The following EPB41L5 variants were observed in gnomAD, a reference collection of about 807,000 sequenced individuals.
EPB41L5 encodes erythrocyte membrane protein band 4.1 like 5, also known as band 4.1-like protein 5.
A neutral mutation model predicts 106.6 loss-of-function variants in EPB41L5; 55 were observed. The ratio of observed to expected loss-of-function variants is 0.52; its 90% CI spans 0.42 to 0.65. EPB41L5 has a LOEUF of 0.65. Among genes scored for constraint, EPB41L5 ranks in the 30% least tolerant of loss-of-function variants. EPB41L5 has a pLI of 0.00. For synonymous variants in EPB41L5, 297 were observed against 306.7 expected (o/e 0.97, Z 0.33); for missense variants, 871 against 882.1 (o/e 0.99, Z 0.16).
intron 16 of EPB41L5, among the ~76,000 whole-genome samples, chr2:120,117,951 G>A (rs1000299393): frequency 2.0e-5 from 3 of 151,924 alleles, no homozygotes; most frequent in African/African-American, 7.3e-5. Context: ...TATTTAAGCT[G>A]CAAAAATATA....
At chr2:120,074,463 CAT>C (rs1238941047) in intron 5 of EPB41L5, 1 of 269,708 alleles carries the variant, frequency 3.7e-6, no homozygotes, top group African/African-American at 2.2e-5. Context: ...ACAGGATTCA[CAT>C]GTTTCAATAC....
At chr2:120,145,123 C>T (rs1315112031) in intron 19 of EPB41L5, among the ~76,000 whole-genome samples, 1 of 152,176 alleles carries the variant, frequency 6.6e-6, no homozygotes, top group Non-Finnish European at 1.5e-5. Flanking sequence ...TCCTGTGGTG[C>T]ACATACATTG....
At chr2:120,119,495 A>G (rs1362887871) in intron 16 of EPB41L5, among the ~76,000 whole-genome samples, 1 of 152,052 alleles carries the variant, frequency 6.6e-6, no homozygotes, top group African/African-American at 2.4e-5. Flanking sequence ...TCGGTTTTAC[A>G]TTTGAGTCTT....
chr2:120,026,805 A>G (rs1261898936), intron 2 of EPB41L5, among the ~76,000 whole-genome samples: 3 of 152,254 alleles, frequency 2.0e-5, no homozygotes, highest in African/African-American at 7.2e-5. Flanking sequence ...AGACTGTCAC[A>G]CAGAATAAGA....
At chr2:120,045,615 T>C (rs1679712709) in intron 3 of EPB41L5, among the ~76,000 whole-genome samples, 1 of 152,196 alleles carries the variant, frequency 6.6e-6, no homozygotes, top group South Asian at 2.1e-4. Flanking sequence ...CCTGGTATGT[T>C]TTTTATACCC....
chr2:120,108,573 TG>T (rs1684582442), intron 16 of EPB41L5: 2 of 152,180 alleles, frequency 1.3e-5, no homozygotes, highest in South Asian at 4.1e-4. Flanking sequence ...AATAGGAAGA[TG>T]ATTGCTGGCT....
chr2:120,109,001 G>C (rs1466161438), intron 16 of EPB41L5, among the ~76,000 whole-genome samples: 2 of 152,236 alleles, frequency 1.3e-5, no homozygotes, highest in Non-Finnish European at 2.9e-5. Context: ...ATTTGTTGCA[G>C]TGAAAGATTT....
chr2:120,126,664 G>T (rs1328736136), intron 16 of EPB41L5, among the ~76,000 whole-genome samples: 2 of 152,044 alleles, frequency 1.3e-5, no homozygotes, highest in East Asian at 1.9e-4. Flanking sequence ...GTCTGTCTTT[G>T]TGCCAGTATC....
chr2:120,093,495 C>G (rs998653405), intron 14 of EPB41L5, among the ~76,000 whole-genome samples: 4 of 152,122 alleles, frequency 2.6e-5, no homozygotes, highest in African/African-American at 9.7e-5. Context: ...GGCAGATGAG[C>G]CATTCATAAA....
intron 20 of EPB41L5, among the ~76,000 whole-genome samples, chr2:120,156,869 T>C (rs1477273697): frequency 2.6e-5 from 4 of 152,154 alleles, no homozygotes; most frequent in African/African-American, 7.2e-5. Flanking sequence ...CTGATAGTAT[T>C]AGACACATCA....
intron 20 of EPB41L5, among the ~76,000 whole-genome samples, chr2:120,151,987 T>C (rs1167665056): frequency 6.6e-6 from 1 of 152,220 alleles, no homozygotes; most frequent in Non-Finnish European, 1.5e-5. Flanking sequence ...ATAGTTTTAC[T>C]TCCTTATTTC....
At chr2:120,084,305 T>C (rs977824556) in intron 10 of EPB41L5, among the ~76,000 whole-genome samples, 1 of 152,204 alleles carries the variant, frequency 6.6e-6, no homozygotes, top group African/African-American at 2.4e-5. Context: ...CAGGAGCTCT[T>C]GTAAGGCATG....
At chr2:120,160,114 G>A (rs1435864820) in intron 20 of EPB41L5, among the ~76,000 whole-genome samples, 1 of 152,070 alleles carries the variant, frequency 6.6e-6, no homozygotes, top group Non-Finnish European at 1.5e-5. Flanking sequence ...TAACTAATGG[G>A]TACTAGGCTT....
rs113777952 is a variant in EPB41L5, at chr2:120,044,171, T to G, written c.285+2061T>G. On this transcript the variant is annotated intron_variant, in intron 3 of 24. Coordinates refer to ENST00000263713, the MANE Select transcript of EPB41L5 (RefSeq NM_020909.4). Reference sequence around the variant, plus strand: ...AAAAAAAAAAAAGGATATATGGCCATGCATATACATGAAAAAATTGTGAAA... The same window carrying G: ...AAAAAAAAAAAAGGATATATGGCCAGGCATATACATGAAAAAATTGTGAAA... Among the ~76,000 whole-genome samples the G allele has an allele frequency of 6.4e-3, 967 of 151,230 alleles. 14 individuals are homozygous for G. The highest frequency in any genetic ancestry group is 0.021 in the African/African-American group (860 of 41,298).
chr2:120,102,186 C>G (rs1684180481), intron 16 of EPB41L5, among the ~76,000 whole-genome samples: 2 of 152,126 alleles, frequency 1.3e-5, no homozygotes, highest in Admixed American at 1.3e-4. Flanking sequence ...TATTACGACA[C>G]TGAATCTTTG....
rs746500889 is a variant in EPB41L5, at chr2:120,160,912, C to T, written c.1825C>T (p.Pro609Ser). ...GTTAAATGAGAATAATGTGCCCCTC[C>T]CCAAAGAGTCTCTTGAGACTCTGAT... ...AVLNENNVPL[P>S]KESLETLMLI... Residue 609 changes from proline (P) to serine (S), a missense_variant, in exon 21 of 25, where the codon CCC becomes TCC. Coordinates refer to ENST00000263713, the MANE Select transcript of EPB41L5 (RefSeq NM_020909.4). The T allele has an allele frequency of 1.2e-6, 2 of 1,613,608 alleles. No homozygotes were observed. The highest frequency in any genetic ancestry group is 1.7e-6 in the Non-Finnish European group (2 of 1,179,670).
chr2:120,130,887 A>G (rs1435042710), intron 17 of EPB41L5, among the ~76,000 whole-genome samples: 1 of 152,232 alleles, frequency 6.6e-6, no homozygotes, highest in Non-Finnish European at 1.5e-5. Flanking sequence ...CTGATCATAT[A>G]GAAATTATTA....
At chr2:120,023,981 C>G (rs1574472692) in intron 2 of EPB41L5, among the ~76,000 whole-genome samples, 1 of 152,106 alleles carries the variant, frequency 6.6e-6, no homozygotes, top group East Asian at 1.9e-4. Context: ...GGCTGTTTGT[C>G]TATTATTTGT....
At chr2:120,146,746 C>T (rs187768409) in intron 20 of EPB41L5, among the ~76,000 whole-genome samples, 1 of 152,152 alleles carries the variant, frequency 6.6e-6, no homozygotes, top group African/African-American at 2.4e-5. Context: ...ATTTATTTGT[C>T]TTGTTAGTTA....
Sources: gnomAD v4.1 joint callset for allele counts (sites outside exome capture counted in the v4.1 genomes callset) on GRCh38, gnomAD v4.1.1 for gene constraint, MANE v1.5 for transcripts, NCBI Gene and HGNC (gene_info 2026-07-23, HGNC 2026-07-21) for gene names.